Variants in CORO2B observed in about 807,000 individuals in gnomAD.
CORO2B encodes coronin-2B.
A neutral mutation model predicts 58.8 loss-of-function variants in CORO2B; 26 were observed. The ratio of observed to expected loss-of-function variants is 0.44; its 90% CI spans 0.32 to 0.61. The LOEUF (loss-of-function observed/expected upper bound fraction) is 0.61, where lower values mean the gene tolerates loss of function less well. Ranked by LOEUF, CORO2B falls within the 20% of genes least tolerant of loss-of-function variation. The probability of loss-of-function intolerance (pLI) is 0.04; values close to 1 mark genes in which losing one functional copy is unlikely to be tolerated. For synonymous variants in CORO2B, 242 were observed against 253.8 expected, an observed-to-expected ratio of 0.95 and a Z score of 0.44; for missense variants, 460 against 645.1, an observed-to-expected ratio of 0.71 and a Z score of 3.11.
chr15:68,610,096 G>A (rs1243399577), intron 1 of CORO2B, among the ~76,000 whole-genome samples: 1 of 152,098 alleles, frequency 6.6e-6, no homozygotes, highest in South Asian at 2.1e-4. Flanking sequence ...GGTGAATATC[G>A]CTGAGCTCCT....
At chr15:68,667,088 T>G (rs1480261116) in intron 2 of CORO2B, among the ~76,000 whole-genome samples, 1 of 151,808 alleles carries the variant, frequency 6.6e-6, no homozygotes, top group East Asian at 1.9e-4. Context: ...CTCCCTTCAC[T>G]CTCATGCTCC....
chr15:68,570,926 A>T, the CORO2B span, among the ~76,000 whole-genome samples: 3 of 148,404 alleles, frequency 2.0e-5, no homozygotes, highest in African/African-American at 7.5e-5. Context: ...GGCATGAGCC[A>T]CTGTGCCCAG....
At chr15:68,518,765 G>T in the CORO2B span, among the ~76,000 whole-genome samples, 1 of 152,098 alleles carries the variant, frequency 6.6e-6, no homozygotes, top group Admixed American at 6.5e-5. Flanking sequence ...TGGAGAGGGG[G>T]TGGGGGGCTG....
intron 5 of CORO2B, 119 bp downstream of exon 5, chr15:68,711,825 C>T (rs1892925728): frequency 8.5e-6 from 10 of 1,182,028 alleles, no homozygotes; most frequent in South Asian, 4.1e-5. Flanking sequence ...TCTCACTGCA[C>T]CTCTGTTGAA....
At chr15:68,593,192 T>C (rs2140234426) in intron 1 of CORO2B, among the ~76,000 whole-genome samples, 1 of 152,342 alleles carries the variant, frequency 6.6e-6, no homozygotes, top group South Asian at 2.1e-4. Flanking sequence ...AGGCCCCATC[T>C]CTTAATACTG....
At chr15:68,530,073 C>T in the CORO2B span, among the ~76,000 whole-genome samples, 1 of 152,102 alleles carries the variant, frequency 6.6e-6, no homozygotes, top group Non-Finnish European at 1.5e-5. Flanking sequence ...GCCTGTAATC[C>T]CCGCACTTTG....
At chr15:68,718,842 G>A (rs372420971) in intron 9 of CORO2B, 32 bp downstream of exon 9, 2 of 1,561,120 alleles carry the variant, frequency 1.3e-6, no homozygotes, top group African/African-American at 1.4e-5. Context: ...TCCAGGAGGG[G>A]GGCCTGCATC....
intron 3 of CORO2B, among the ~76,000 whole-genome samples, chr15:68,701,636 C>T (rs1253900883): frequency 1.3e-5 from 2 of 151,928 alleles, no homozygotes; most frequent in Admixed American, 1.3e-4. Flanking sequence ...CAGGTGCGCG[C>T]CACCATGCCC....
chr15:68,632,369 G>A (rs1900864917), intron 1 of CORO2B: 6 of 985,332 alleles, frequency 6.1e-6, no homozygotes, highest in African/African-American at 5.2e-5. Context: ...AACGCATTCA[G>A]CTCGGTCCAG....
chr15:68,630,386 G>A (rs909215812), intron 1 of CORO2B, among the ~76,000 whole-genome samples: 31 of 151,912 alleles, frequency 2.0e-4, no homozygotes, highest in African/African-American at 6.8e-4. Flanking sequence ...CCCAAGGAAC[G>A]GTGCTGAGGG....
chr15:68,692,753 C>G (rs1054016288), intron 2 of CORO2B, among the ~76,000 whole-genome samples: 7 of 151,078 alleles, frequency 4.6e-5, no homozygotes, highest in African/African-American at 1.7e-4. Flanking sequence ...CATGGCTCAG[C>G]CTCCCAAGTA....
intron 2 of CORO2B, among the ~76,000 whole-genome samples, chr15:68,684,485 C>T (rs961525207): frequency 2.6e-5 from 4 of 152,184 alleles, no homozygotes; most frequent in African/African-American, 9.7e-5. Flanking sequence ...TTGTATGGCA[C>T]GTACATATGT....
intron 2 of CORO2B, among the ~76,000 whole-genome samples, chr15:68,659,763 G>A (rs1901953553): frequency 2.0e-5 from 3 of 152,070 alleles, no homozygotes; most frequent in South Asian, 4.2e-4. Flanking sequence ...GCGAAACCCC[G>A]TCTCTACTAA....
At chr15:68,615,243 A>G (rs1433116283) in intron 1 of CORO2B, among the ~76,000 whole-genome samples, 1 of 152,206 alleles carries the variant, frequency 6.6e-6, no homozygotes, top group Non-Finnish European at 1.5e-5. Context: ...CCAGTTAGTT[A>G]GTAATTCCCT....
At chr15:68,621,937 C>A (rs1900534573) in intron 1 of CORO2B, among the ~76,000 whole-genome samples, 1 of 151,694 alleles carries the variant, frequency 6.6e-6, no homozygotes, top group Non-Finnish European at 1.5e-5. Flanking sequence ...TTCTGATTTT[C>A]TTATTATTTG....
chr15:68,563,495 A>G, the CORO2B span, among the ~76,000 whole-genome samples: 2 of 151,878 alleles, frequency 1.3e-5, no homozygotes, highest in African/African-American at 4.8e-5. Flanking sequence ...TTTAAAAAAA[A>G]AAAAGAAAAG....
At chr15:68,696,626 G>C (rs937467809) in intron 3 of CORO2B, among the ~76,000 whole-genome samples, 8 of 151,056 alleles carry the variant, frequency 5.3e-5, no homozygotes, top group Non-Finnish European at 1.2e-4. Flanking sequence ...TCCTTCCTCA[G>C]ACTCTACCAA....
intron 2 of CORO2B, among the ~76,000 whole-genome samples, chr15:68,668,992 T>C (rs753081202): frequency 4.0e-5 from 6 of 151,556 alleles, no homozygotes; most frequent in Non-Finnish European, 7.4e-5. Flanking sequence ...GCAGCAGAAT[T>C]GCTTGAACCT....
the CORO2B span, among the ~76,000 whole-genome samples, chr15:68,535,309 G>A: frequency 1.1e-4 from 16 of 152,114 alleles, no homozygotes; most frequent in African/African-American, 3.1e-4. Flanking sequence ...CAACAACCAA[G>A]GTTATAATTT....
Sources: allele counts gnomAD v4.1 joint callset (sites outside exome capture counted in the v4.1 genomes callset), GRCh38; gene constraint gnomAD v4.1.1; transcripts MANE v1.5; gene names NCBI Gene and HGNC (gene_info 2026-07-23, HGNC 2026-07-21).